Variants in CAMKMT observed in about 807,000 individuals in gnomAD.
CAMKMT encodes calmodulin-lysine N-methyltransferase, also known as CaM KMT.
CAMKMT carries 53 observed loss-of-function variants against 48.0 expected under a neutral mutation model. That is an observed-to-expected ratio of 1.10 (90% confidence interval 0.89 to 1.39). CAMKMT has a LOEUF of 1.39. CAMKMT is among the 40% of genes most tolerant of loss of function. The pLI is 0.00. For missense variants in CAMKMT, 428 were observed against 402.7 expected, an observed-to-expected ratio of 1.06 and a Z score of -0.54; for synonymous variants, 165 against 152.3, an observed-to-expected ratio of 1.08 and a Z score of -0.61.
At chr2:44,373,372 G>A (rs1679367804) in intron 2 of CAMKMT, among the ~76,000 whole-genome samples, 1 of 152,134 alleles carries the variant, frequency 6.6e-6, no homozygotes, top group African/African-American at 2.4e-5. Context: ...ATTGTAAGAA[G>A]CATATGGACT....
intron 3 of CAMKMT, among the ~76,000 whole-genome samples, chr2:44,408,571 C>T (rs965693098): frequency 6.6e-6 from 1 of 151,968 alleles, no homozygotes; most frequent in Non-Finnish European, 1.5e-5. Context: ...GTGAGTTGCT[C>T]AAGGCCACTC....
intron 3 of CAMKMT, among the ~76,000 whole-genome samples, chr2:44,444,163 A>T (rs767126598): frequency 1.3e-5 from 2 of 152,202 alleles, no homozygotes; most frequent in Non-Finnish European, 2.9e-5. Flanking sequence ...TTAAATATTG[A>T]TAAAATACCT....
intron 3 of CAMKMT, among the ~76,000 whole-genome samples, chr2:44,694,002 G>T (rs1042275346): frequency 3.9e-5 from 6 of 152,206 alleles, no homozygotes; most frequent in South Asian, 2.1e-4. Flanking sequence ...CTGTATGTCT[G>T]CTGTGAGAGC....
In CAMKMT at chr2:44,369,920, A is replaced by G. The variant is rs1280343887; in HGVS notation, c.139-2796A>G. On this transcript the variant is annotated intron_variant, in intron 1 of 10. Coordinates refer to ENST00000378494, the MANE Select transcript of CAMKMT (RefSeq NM_024766.5). ...AAATCTCATGTTAGTGCATCTGATT[A>G]GTTAAACCAAAATCACATCTGAAAC... The G allele has an allele frequency of 2.0e-5, 3 of 152,240 alleles. No homozygotes were observed. The East Asian group carries it at 5.8e-4, about 29-fold the overall frequency. The allele number at this position is 152,240 out of a possible 1,614,324, so 9.4% of individuals were successfully genotyped here. A position where few individuals can be genotyped will look rare whatever the true frequency, so the allele number is the denominator to read the frequency against.
chr2:44,579,481 A>T (rs4952715), intron 3 of CAMKMT, among the ~76,000 whole-genome samples: 94,144 of 151,560 alleles, frequency 0.62, 29,728 homozygotes, highest in Admixed American at 0.69. Flanking sequence ...TTTAATGTAC[A>T]TCACATTCTT....
At chr2:44,642,166 T>C (rs1673484681) in intron 3 of CAMKMT, among the ~76,000 whole-genome samples, 2 of 152,260 alleles carry the variant, frequency 1.3e-5, no homozygotes, top group East Asian at 3.8e-4. Flanking sequence ...AAACTATTTG[T>C]AAAGGAAGAT....
intron 3 of CAMKMT, among the ~76,000 whole-genome samples, chr2:44,396,079 C>T (rs1200005963): frequency 1.3e-5 from 2 of 151,980 alleles, no homozygotes; most frequent in Non-Finnish European, 2.9e-5. Flanking sequence ...ATTTAGGAAA[C>T]TAATAAAGCT....
At chr2:44,764,067 C>T (rs1305616096) in intron 9 of CAMKMT, among the ~76,000 whole-genome samples, 5 of 151,766 alleles carry the variant, frequency 3.3e-5, no homozygotes, top group African/African-American at 9.7e-5. Flanking sequence ...GCTGTCCTGC[C>T]GAGACCATGT....
intron 7 of CAMKMT, among the ~76,000 whole-genome samples, chr2:44,720,095 C>T (rs1203065509): frequency 2.0e-5 from 3 of 152,084 alleles, no homozygotes; most frequent in East Asian, 3.9e-4. Flanking sequence ...CATATCCCTA[C>T]TATTTAGTGT....
chr2:44,754,169 T>A (rs779485665), intron 9 of CAMKMT, 51 bp downstream of exon 9: 7 of 1,388,504 alleles, frequency 5.0e-6, no homozygotes, highest in Non-Finnish European at 7.2e-6. Flanking sequence ...ATAATTAGTC[T>A]GTGCACAAAG....
intron 3 of CAMKMT, among the ~76,000 whole-genome samples, chr2:44,520,979 C>T (rs538511573): frequency 6.6e-6 from 1 of 152,188 alleles, no homozygotes; most frequent in Non-Finnish European, 1.5e-5. Flanking sequence ...GCCAATTAAA[C>T]CTCTTTTCTT....
intron 3 of CAMKMT, among the ~76,000 whole-genome samples, chr2:44,543,819 C>G (rs778113395): frequency 2.6e-5 from 4 of 152,106 alleles, no homozygotes; most frequent in Non-Finnish European, 5.9e-5. Flanking sequence ...CTTATGAAAG[C>G]CAGAATACTA....
At chr2:44,708,823 G>A (rs369487773) in intron 6 of CAMKMT, among the ~76,000 whole-genome samples, 3 of 152,018 alleles carry the variant, frequency 2.0e-5, no homozygotes, top group East Asian at 1.9e-4. Context: ...TTTAGAGGGT[G>A]GGGGGAGCAG....
chr2:44,458,976 AT>A (rs1466182434), intron 3 of CAMKMT, among the ~76,000 whole-genome samples: 1 of 152,202 alleles, frequency 6.6e-6, no homozygotes, highest in East Asian at 1.9e-4. Context: ...AAAATATCAC[AT>A]TCTGAAGTTT....
intron 3 of CAMKMT, among the ~76,000 whole-genome samples, chr2:44,597,722 T>G (rs116045044): frequency 0.016 from 2,419 of 152,282 alleles, 30 homozygotes; most frequent in Non-Finnish European, 0.025. Flanking sequence ...TGCTTCCTTA[T>G]TATTTTTTGT....
chr2:44,516,327 A>G (rs1054911005), intron 3 of CAMKMT, among the ~76,000 whole-genome samples: 7 of 152,178 alleles, frequency 4.6e-5, no homozygotes, highest in Non-Finnish European at 8.8e-5. Flanking sequence ...TATTTTTAGC[A>G]TGCATTTTCT....
At chr2:44,622,046 C>T (rs577454471) in intron 3 of CAMKMT, among the ~76,000 whole-genome samples, 4 of 152,234 alleles carry the variant, frequency 2.6e-5, no homozygotes, top group Admixed American at 2.6e-4. Flanking sequence ...AAATTATTGG[C>T]TTGAACAATA....
At chr2:44,542,752 C>T (rs57440956) in intron 3 of CAMKMT, among the ~76,000 whole-genome samples, 25,112 of 151,872 alleles carry the variant, frequency 0.17, 2,210 homozygotes, top group Admixed American at 0.26. Flanking sequence ...GACAGTATTC[C>T]GAGAAACTGG....
intron 3 of CAMKMT, among the ~76,000 whole-genome samples, chr2:44,551,165 A>G (rs1448723641): frequency 6.6e-6 from 1 of 152,188 alleles, no homozygotes; most frequent in Non-Finnish European, 1.5e-5. Context: ...GCAGAAACCC[A>G]CATCTGCAAG....
Sources: gnomAD v4.1 joint callset for allele counts (sites outside exome capture counted in the v4.1 genomes callset) on GRCh38, gnomAD v4.1.1 for gene constraint, MANE v1.5 for transcripts, NCBI Gene and HGNC (gene_info 2026-07-23, HGNC 2026-07-21) for gene names.